The following ARID2 variants were observed in gnomAD, a reference collection of about 807,000 sequenced individuals.
ARID2 encodes the protein AT-rich interactive domain-containing protein 2.
In ARID2, 32 loss-of-function variants were observed where a neutral mutation model predicts 184.6. The observed-to-expected ratio is 0.17, with a 90% CI of 0.13 to 0.23. The LOEUF (loss-of-function observed/expected upper bound fraction) is 0.23, where lower values mean the gene tolerates loss of function less well. Among genes scored for constraint, ARID2 ranks in the 10% least tolerant of loss-of-function variants. The pLI, the probability that ARID2 is intolerant of heterozygous loss-of-function variation, is 1.00. For synonymous variants in ARID2, 836 were observed against 772.6 expected, an observed-to-expected ratio of 1.08 and a Z score of -1.36; for missense variants, 1,696 against 2,197.6, an observed-to-expected ratio of 0.77 and a Z score of 4.56.
intron 20 of ARID2, chr12:45,904,352 G>C: frequency 1.4e-6 from 1 of 716,068 alleles, no homozygotes; most frequent in South Asian, 1.5e-5. Context: ...AAACATGAAT[G>C]AAGATTGAAA....
At chr12:45,817,931 GT>G (rs373592222) in intron 5 of ARID2, 43 bp downstream of exon 5, 823 of 1,328,174 alleles carry the variant, frequency 6.2e-4, no homozygotes, top group South Asian at 1.2e-3. Flanking sequence ...TTCTGTAAAA[GT>G]TTTTTTTTTA....
At chr12:45,758,026 A>T (rs190542535) in intron 3 of ARID2, among the ~76,000 whole-genome samples, 2 of 152,334 alleles carry the variant, frequency 1.3e-5, no homozygotes, top group Non-Finnish European at 2.9e-5. Flanking sequence ...ATTCCCTGTG[A>T]AGACAAAAGG....
chr12:45,839,885 T>TA, intron 11 of ARID2: 2 of 172,554 alleles, frequency 1.2e-5, no homozygotes, highest in Non-Finnish European at 2.5e-5. Flanking sequence ...TCAGGACGCG[T>TA]AAGTATAATA....
chr12:45,787,249 CCTCT>C (rs1384448165), intron 3 of ARID2, among the ~76,000 whole-genome samples: 1 of 150,550 alleles, frequency 6.6e-6, no homozygotes, highest in Non-Finnish European at 1.5e-5. Context: ...ACAGGGTCTC[CCTCT>C]GTCACCCAGG....
intron 6 of ARID2, among the ~76,000 whole-genome samples, chr12:45,836,019 TTAG>T (rs1592107886): frequency 6.6e-6 from 1 of 152,154 alleles, no homozygotes; most frequent in Non-Finnish European, 1.5e-5. Context: ...CACAGTCCCT[TTAG>T]TCGTCTGTGG....
At chr12:45,840,772 A>G (rs1448132353) in intron 11 of ARID2, 5 of 152,192 alleles carry the variant, frequency 3.3e-5, no homozygotes, top group African/African-American at 4.8e-5. Context: ...AACTTGTAGT[A>G]TGAAAATTAT....
chr12:45,793,467 T>C (rs1465443399), intron 3 of ARID2, among the ~76,000 whole-genome samples: 1 of 152,028 alleles, frequency 6.6e-6, no homozygotes, highest in African/African-American at 2.4e-5. Flanking sequence ...TTGGTGCTTT[T>C]ATCCCTTTCC....
intron 3 of ARID2, among the ~76,000 whole-genome samples, chr12:45,734,691 A>G (rs1941075326): frequency 2.0e-5 from 3 of 152,174 alleles, no homozygotes; most frequent in South Asian, 2.1e-4. Context: ...ATGCCCAAGT[A>G]TCTCTTTGCC....
intron 3 of ARID2, among the ~76,000 whole-genome samples, chr12:45,780,741 A>G (rs533524273): frequency 1.6e-4 from 25 of 152,038 alleles, no homozygotes; most frequent in Non-Finnish European, 3.2e-4. Flanking sequence ...GCCTCAGCCA[A>G]CCTAGTCACT....
rs578087619 is a variant in ARID2, at chr12:45,869,598, C to A, written c.4922+8649C>A. Among the ~76,000 whole-genome samples the A allele has an allele frequency of 8.5e-5, 13 of 152,108 alleles. No homozygotes were observed. In the South Asian group the frequency reaches 1.0e-3, roughly 12 times the overall value. The stretch of plus-strand genomic sequence containing the variant: ...ATTTTGTCTTATCCAATTATAATGT[C>A]TAGGCCAGGTGTCGTGGCTCATGCT... On this transcript the variant is annotated intron_variant, in intron 16 of 20. Transcript: ENST00000334344.
chr12:45,813,931 TTC>T (rs1447132683), intron 4 of ARID2, among the ~76,000 whole-genome samples: 1 of 152,166 alleles, frequency 6.6e-6, no homozygotes, highest in African/African-American at 2.4e-5. Flanking sequence ...GTTTCCTTCT[TTC>T]TCTGTTTTTT....
In ARID2 at chr12:45,850,040, C is replaced by A; in HGVS notation, c.1917C>A (p.Ile639=). Residue 639 remains isoleucine (I), a synonymous_variant, in exon 15 of 21, where the codon ATC becomes ATA. Transcript: ENST00000334344. ...DVSPAPSPAG[I]PHGSQTIGNH... is the part of the protein sequence containing the mutation. ...ACGTTTTCTTCATATTTTCAGGAATCCCTCATGGATCACAAACCATAGGAA... is the reference window on the plus strand; with the variant it reads ...ACGTTTTCTTCATATTTTCAGGAATACCTCATGGATCACAAACCATAGGAA... 2 of 1,589,434 alleles carry A rather than the reference C, an allele frequency of 1.3e-6. No homozygotes were observed. Among genetic ancestry groups the A allele is most frequent in the Non-Finnish European group, 1.7e-6 (2 of 1,167,540 alleles).
rs116686812 is a variant in ARID2 at position 45,895,321 on chromosome 12, T to C, written c.5363+1600T>C. On this transcript the variant is annotated intron_variant, in intron 20 of 20. Transcript: ENST00000334344. ...CTGCTTCCTTTCCTGATGTCTTCCT[T>C]ACTACCTTAACCCTGACCTGGAGCA... 9.3e-3 allele frequency among the ~76,000 whole-genome samples: 1,417 copies of C among 152,326 alleles called. 22 individuals carry two copies. Among genetic ancestry groups the C allele is most frequent in the South Asian group, 0.067 (325 of 4,826 alleles).
At chr12:45,729,976 G>T in intron 1 of ARID2, 48 bp downstream of exon 1, 1 of 1,605,364 alleles carries the variant, frequency 6.2e-7, no homozygotes, top group Non-Finnish European at 8.5e-7. Flanking sequence ...CGGGGCGAAC[G>T]GGGCTCTCCC....
intron 16 of ARID2, among the ~76,000 whole-genome samples, chr12:45,863,061 A>G (rs867279899): frequency 2.0e-5 from 3 of 152,228 alleles, no homozygotes; most frequent in Admixed American, 1.3e-4. Flanking sequence ...AAATTACAGT[A>G]TAAGTAAGTA....
At chr12:45,895,339 CT>C (rs1944355756) in intron 20 of ARID2, among the ~76,000 whole-genome samples, 1 of 152,136 alleles carries the variant, frequency 6.6e-6, no homozygotes, top group Non-Finnish European at 1.5e-5. Flanking sequence ...TAACCCTGAC[CT>C]GGAGCACAGT....
chr12:45,813,377 C>T (rs1942745976), intron 4 of ARID2, among the ~76,000 whole-genome samples: 1 of 147,296 alleles, frequency 6.8e-6, no homozygotes, highest in Non-Finnish European at 1.5e-5. Context: ...ATATATAAAG[C>T]AAATAAGTCA....
chr12:45,773,471 A>G (rs1225061118), intron 3 of ARID2, among the ~76,000 whole-genome samples: 2 of 152,120 alleles, frequency 1.3e-5, no homozygotes, highest in Non-Finnish European at 2.9e-5. Context: ...CTTTGAAAAT[A>G]TCAACAATTT....
rs766950015 is a variant in ARID2, at chr12:45,891,861, T to G, written c.5004T>G (p.Leu1668=). 3.7e-5 allele frequency: 60 copies of G among 1,614,072 alleles called. No homozygotes were observed. The highest frequency in any genetic ancestry group is 5.1e-5 in the Non-Finnish European group (60 of 1,180,024). ...AAGATGTATATCCAGGGCAGTGTCT[T>G]TGGGAAGGTTGTGAGCCTTTTCAGC... is the stretch of plus-strand genomic sequence containing the variant. ...GGKDVYPGQC[L]WEGCEPFQRQ... The change falls in exon 17 of 21, where the codon CTT becomes CTG. Residue 1668 remains leucine (L), a synonymous_variant. Transcript: ENST00000334344.
Sources: allele counts gnomAD v4.1 joint callset (sites outside exome capture counted in the v4.1 genomes callset), GRCh38; gene constraint gnomAD v4.1.1; transcripts MANE v1.5; gene names NCBI Gene and HGNC (gene_info 2026-07-23, HGNC 2026-07-21).